TMC1: variants seen among roughly 807,000 people sequenced by gnomAD.
The protein encoded by TMC1 is transmembrane channel-like protein 1.
TMC1 carries 84 observed loss-of-function variants against 105.8 expected under a neutral mutation model. That is an observed-to-expected ratio of 0.79 (90% confidence interval 0.67 to 0.95). The LOEUF is 0.95. Among genes scored for constraint, TMC1 ranks in the 40% least tolerant of loss-of-function variants. The probability of loss-of-function intolerance (pLI) is 0.00; values close to 1 mark genes in which losing one functional copy is unlikely to be tolerated. For synonymous variants in TMC1, 315 were observed against 311.5 expected, an observed-to-expected ratio of 1.01 and a Z score of -0.12; for missense variants, 817 against 914.1, an observed-to-expected ratio of 0.89 and a Z score of 1.37.
intron 8 of TMC1, among the ~76,000 whole-genome samples, chr9:72,727,780 G>A (rs1380494356): frequency 1.3e-5 from 2 of 151,972 alleles, no homozygotes; most frequent in East Asian, 1.9e-4. Flanking sequence ...TTAGTGATAT[G>A]GCCTGGAACT....
At chr9:72,640,405 G>C (rs1026819455) in intron 4 of TMC1, among the ~76,000 whole-genome samples, 1 of 152,192 alleles carries the variant, frequency 6.6e-6, no homozygotes, top group Non-Finnish European at 1.5e-5. Flanking sequence ...AGGCATCTAA[G>C]CTATCCAGGC....
intron 17 of TMC1, among the ~76,000 whole-genome samples, chr9:72,798,091 A>G (rs1360146597): frequency 1.3e-5 from 2 of 152,230 alleles, no homozygotes; most frequent in African/African-American, 2.4e-5. Flanking sequence ...GAAGACATAC[A>G]TGCGGCAAAC....
chr9:72,647,694 A>G (rs1326865121), intron 4 of TMC1, among the ~76,000 whole-genome samples: 2 of 152,264 alleles, frequency 1.3e-5, no homozygotes, highest in East Asian at 3.9e-4. Flanking sequence ...ACTAGTCTAT[A>G]TATTCTAGAA....
chr9:72,632,994 A>G (rs943847314), intron 4 of TMC1, among the ~76,000 whole-genome samples: 2 of 151,566 alleles, frequency 1.3e-5, no homozygotes, highest in African/African-American at 4.8e-5. Context: ...TCTCTAACAT[A>G]GACACTATTC....
At chr9:72,537,553 C>T (rs913378714) in intron 1 of TMC1, among the ~76,000 whole-genome samples, 2 of 152,174 alleles carry the variant, frequency 1.3e-5, no homozygotes, top group African/African-American at 4.8e-5. Flanking sequence ...TGAGACAGGT[C>T]TCAATCAATG....
At chr9:72,711,350 T>A (rs1826832145) in intron 8 of TMC1, among the ~76,000 whole-genome samples, 1 of 152,220 alleles carries the variant, frequency 6.6e-6, no homozygotes, top group African/African-American at 2.4e-5. Flanking sequence ...CACACTGTCT[T>A]CCACAATGGT....
chr9:72,755,068 G>C (rs1474353870), intron 12 of TMC1, among the ~76,000 whole-genome samples, 184 bp downstream of exon 12: 2 of 105,690 alleles, frequency 1.9e-5, no homozygotes, highest in African/African-American at 4.2e-5. Flanking sequence ...GGGAGGGAGG[G>C]AGGGAGAGAG....
intron 10 of TMC1, 102 bp downstream of exon 10, chr9:72,742,627 G>GAAACAAAC (rs146170244): frequency 1.0e-6 from 1 of 978,198 alleles, no homozygotes; most frequent in Non-Finnish European, 1.6e-6. Context: ...GGGAAGACTA[G>GAAACAAAC]AAACAAACAA....
At chr9:72,806,942 A>T (rs1420634712) in intron 18 of TMC1, among the ~76,000 whole-genome samples, 2 of 152,194 alleles carry the variant, frequency 1.3e-5, no homozygotes, top group Admixed American at 1.3e-4. Context: ...TAGCGAGCCG[A>T]GATCACGCCA....
intron 8 of TMC1, among the ~76,000 whole-genome samples, chr9:72,701,438 A>G (rs767501425): frequency 4.6e-5 from 7 of 152,160 alleles, no homozygotes; most frequent in Non-Finnish European, 8.8e-5. Context: ...GGAGAGGAGG[A>G]AAGGGCAGGG....
chr9:72,727,514 A>G (rs1356030802), intron 8 of TMC1, among the ~76,000 whole-genome samples: 1 of 151,956 alleles, frequency 6.6e-6, no homozygotes, highest in African/African-American at 2.4e-5. Context: ...CCTCATAGCT[A>G]TGTATAGCAA....
chr9:72,653,792 T>C (rs1825847499), intron 5 of TMC1, among the ~76,000 whole-genome samples: 1 of 152,184 alleles, frequency 6.6e-6, no homozygotes, highest in African/African-American at 2.4e-5. Context: ...ACCACCCATA[T>C]ACTCTACCTC....
chr9:72,741,882 A>G (rs1292794211), intron 9 of TMC1, among the ~76,000 whole-genome samples: 3 of 152,158 alleles, frequency 2.0e-5, no homozygotes, highest in East Asian at 1.9e-4. Context: ...TTCTCTTTCA[A>G]TTAAGCTGAC....
At chr9:72,685,444 AC>A (rs1826365268) in intron 5 of TMC1, among the ~76,000 whole-genome samples, 1 of 148,568 alleles carries the variant, frequency 6.7e-6, no homozygotes, top group Non-Finnish European at 1.5e-5. Flanking sequence ...GCTCACTGCA[AC>A]CTCTGCCTCC....
intron 1 of TMC1, among the ~76,000 whole-genome samples, chr9:72,567,745 C>G (rs1252347372): frequency 2.0e-5 from 3 of 152,146 alleles, no homozygotes; most frequent in African/African-American, 7.2e-5. Context: ...GGTGGGGATA[C>G]AGAGCCAAAC....
chr9:72,558,914 AT>A (rs143432912), intron 1 of TMC1, among the ~76,000 whole-genome samples: 11,712 of 150,684 alleles, frequency 0.078, 473 homozygotes, highest in Non-Finnish European at 0.085. Context: ...TTTTTCAACC[AT>A]TTTTTTTTGT....
chr9:72,582,210 G>C (rs1187142403), intron 2 of TMC1, among the ~76,000 whole-genome samples: 1 of 152,190 alleles, frequency 6.6e-6, no homozygotes, highest in Non-Finnish European at 1.5e-5. Context: ...ACCCGCCTCA[G>C]TCTCCCAAAG....
intron 5 of TMC1, among the ~76,000 whole-genome samples, chr9:72,681,796 G>C (rs956817890): frequency 1.3e-5 from 2 of 152,118 alleles, no homozygotes; most frequent in African/African-American, 4.8e-5. Context: ...GTTTGCCTCA[G>C]AGTTAGTGTC....
At chr9:72,611,365 G>C (rs771779447) in intron 2 of TMC1, among the ~76,000 whole-genome samples, 1 of 152,194 alleles carries the variant, frequency 6.6e-6, no homozygotes, top group African/African-American at 2.4e-5. Flanking sequence ...TGATGGAAAG[G>C]TATTTTGCTA....
Sources: gnomAD v4.1 joint callset for allele counts (sites outside exome capture counted in the v4.1 genomes callset) on GRCh38, gnomAD v4.1.1 for gene constraint, MANE v1.5 for transcripts, NCBI Gene and HGNC (gene_info 2026-07-23, HGNC 2026-07-21) for gene names.